SKA2: variants seen among roughly 807,000 people sequenced by gnomAD.
The protein encoded by SKA2 is spindle and kinetochore associated complex subunit 2.
A neutral mutation model predicts 16.9 loss-of-function variants in SKA2; 13 were observed. The observed-to-expected ratio is 0.77, with a 90% CI of 0.50 to 1.22. The LOEUF (loss-of-function observed/expected upper bound fraction) is 1.22, where lower values mean the gene tolerates loss of function less well. SKA2 is among the 50% of genes most tolerant of loss of function. SKA2 has a pLI of 0.00. For missense variants in SKA2, 107 were observed against 139.7 expected, an observed-to-expected ratio of 0.77 and a Z score of 1.18; for synonymous variants, 47 against 48.5, an observed-to-expected ratio of 0.97 and a Z score of 0.13.
intron 3 of SKA2, among the ~76,000 whole-genome samples, chr17:59,117,731 C>T (rs1376295955): frequency 6.6e-6 from 1 of 152,004 alleles, no homozygotes; most frequent in Non-Finnish European, 1.5e-5. Flanking sequence ...AGCATACTAC[C>T]TCATTTTTAA....
chr17:59,134,512 G>A (rs558752496), intron 1 of SKA2, among the ~76,000 whole-genome samples: 1 of 151,522 alleles, frequency 6.6e-6, no homozygotes, highest in Non-Finnish European at 1.5e-5. Flanking sequence ...ATTTAGTTCT[G>A]CTTGAAGTTT....
intron 3 of SKA2, chr17:59,118,275 A>C (rs2046310189): frequency 6.6e-6 from 1 of 152,466 alleles, no homozygotes; most frequent in East Asian, 1.9e-4. Flanking sequence ...TCAAAAAAGA[A>C]AAAAAATCCT....
chr17:59,151,088 T>C (rs1394447227), intron 1 of SKA2: 1 of 474,350 alleles, frequency 2.1e-6, no homozygotes, highest in Admixed American at 2.3e-5. Flanking sequence ...AATTATTTAC[T>C]GATACCGAAG....
At chr17:59,142,693 G>A (rs981772241) in intron 1 of SKA2, among the ~76,000 whole-genome samples, 1 of 151,534 alleles carries the variant, frequency 6.6e-6, no homozygotes, top group South Asian at 2.1e-4. Context: ...CTGGGAAGCC[G>A]AGGTGGGTGG....
At chr17:59,123,689 C>A (rs532372687) in intron 2 of SKA2, among the ~76,000 whole-genome samples, 1 of 152,198 alleles carries the variant, frequency 6.6e-6, no homozygotes, top group South Asian at 2.1e-4. Context: ...GCTGGGACTA[C>A]AAGTGTGAGC....
At chr17:59,140,777 A>ATTT (rs34547204) in intron 1 of SKA2, among the ~76,000 whole-genome samples, 2 of 129,944 alleles carry the variant, frequency 1.5e-5, no homozygotes, top group African/African-American at 2.9e-5. Context: ...CACCCGCCTA[A>ATTT]TTTTTTTTTT....
chr17:59,134,772 A>C (rs2046432756), intron 1 of SKA2, among the ~76,000 whole-genome samples: 1 of 152,124 alleles, frequency 6.6e-6, no homozygotes, highest in Non-Finnish European at 1.5e-5. Flanking sequence ...TATATGTCAC[A>C]AAACATGATG....
At chr17:59,150,571 C>T (rs2046569437) in intron 1 of SKA2, among the ~76,000 whole-genome samples, 1 of 152,020 alleles carries the variant, frequency 6.6e-6, no homozygotes, top group Admixed American at 6.6e-5. Flanking sequence ...ACCCTGTCTC[C>T]ACAAAAAATT....
intron 1 of SKA2, among the ~76,000 whole-genome samples, chr17:59,140,246 T>TTGA: frequency 6.6e-6 from 1 of 152,090 alleles, no homozygotes; most frequent in East Asian, 1.9e-4. Context: ...TTTTTTTTTT[T>TTGA]GAGATGAAGT....
intron 3 of SKA2, among the ~76,000 whole-genome samples, chr17:59,116,367 C>T (rs968027220): frequency 5.3e-5 from 8 of 151,974 alleles, no homozygotes; most frequent in Admixed American, 2.6e-4. Flanking sequence ...AGGGAGACTC[C>T]GTCTCAAAAA....
At chr17:59,145,534 C>T (rs2046525592) in intron 1 of SKA2, among the ~76,000 whole-genome samples, 1 of 152,080 alleles carries the variant, frequency 6.6e-6, no homozygotes, top group African/African-American at 2.4e-5. Flanking sequence ...TTCCTCTTTC[C>T]AATGTGCCCC....
intron 2 of SKA2, among the ~76,000 whole-genome samples, chr17:59,119,735 G>A (rs746187530): frequency 1.9e-4 from 29 of 151,912 alleles, no homozygotes; most frequent in Non-Finnish European, 2.6e-4. Flanking sequence ...AAAAAAATTA[G>A]CAATATTAAA....
At chr17:59,153,896 C>G (rs982639675) in intron 1 of SKA2, among the ~76,000 whole-genome samples, 2 of 151,922 alleles carry the variant, frequency 1.3e-5, no homozygotes, top group Non-Finnish European at 2.9e-5. Flanking sequence ...CTCAGCCTCC[C>G]GAGTAGCTGG....
intron 1 of SKA2, among the ~76,000 whole-genome samples, chr17:59,143,884 G>A (rs1323444519): frequency 6.6e-6 from 1 of 152,094 alleles, no homozygotes; most frequent in African/African-American, 2.4e-5. Flanking sequence ...GAGTGTGGGC[G>A]CAGTGGCTCA....
At chr17:59,146,402 C>T (rs1018716242) in intron 1 of SKA2, among the ~76,000 whole-genome samples, 2 of 151,846 alleles carry the variant, frequency 1.3e-5, no homozygotes, top group Admixed American at 6.6e-5. Context: ...GGGAGGGTGA[C>T]GCAGGCAAAT....
At chr17:59,154,970 A>T in intron 1 of SKA2, 161 bp downstream of exon 1, 1 of 1,613,910 alleles carries the variant, frequency 6.2e-7, no homozygotes, top group South Asian at 1.1e-5. Context: ...GGCGGTTTAG[A>T]CACCAGACGG....
At chr17:59,130,662 T>C (rs181472772) in intron 2 of SKA2, among the ~76,000 whole-genome samples, 1 of 151,870 alleles carries the variant, frequency 6.6e-6, no homozygotes. Flanking sequence ...TTAAGCCTGA[T>C]ACCTGGGCTT....
rs1356390429 is a variant in SKA2, at chr17:59,152,031, T to A, written c.33+3100A>T. On this transcript the variant is annotated intron_variant, in intron 1 of 3. Transcript: ENST00000330137. ...CAAGTTTCCTTAGTTCCAAGCTAAT[T>A]GACATTTTAACTTTTTTAACGGATA... is the stretch of plus-strand genomic sequence containing the variant. Among the ~76,000 whole-genome samples the A allele has an allele frequency of 2.0e-5, 3 of 152,078 alleles. No individual in the cohort carries two copies. The East Asian group carries it at 5.8e-4, about 29-fold the overall frequency.
At position 59,142,250 on chromosome 17, in the gene SKA2, G is replaced by A. The variant is rs1344761541; in HGVS notation, c.34-10883C>T. Among the ~76,000 whole-genome samples, 6 of 150,842 alleles carry A rather than the reference G, an allele frequency of 4.0e-5. 1 individual carries two copies. Among genetic ancestry groups the A allele is most frequent in the Admixed American group, 4.0e-4 (6 of 15,132 alleles). The stretch of plus-strand genomic sequence containing the variant: ...TGTAAGTGACAGGGATGGTGTTATT[G>A]CACGAATATTCAGATAAATTCTTTA... On this transcript the variant is annotated intron_variant, in intron 1 of 3. Transcript: ENST00000330137.
Sources: gnomAD v4.1 joint callset for allele counts (sites outside exome capture counted in the v4.1 genomes callset) on GRCh38, gnomAD v4.1.1 for gene constraint, MANE v1.5 for transcripts, NCBI Gene and HGNC (gene_info 2026-07-23, HGNC 2026-07-21) for gene names.